FRMD4B: variants seen among roughly 807,000 people sequenced by gnomAD.
The protein encoded by FRMD4B is FERM domain containing 4B.
Under a neutral mutation model 141.5 loss-of-function variants are expected in FRMD4B, and 74 were observed. That is an observed-to-expected ratio of 0.52 (90% CI 0.43 to 0.63). FRMD4B has a LOEUF of 0.63. Among genes scored for constraint, FRMD4B ranks in the 30% least tolerant of loss-of-function variants. The pLI is 0.00. For missense variants in FRMD4B, 1,366 were observed against 1,253.4 expected (o/e 1.09, Z -1.36); for synonymous variants, 506 against 467.9 (o/e 1.08, Z -1.05).
intron 1 of FRMD4B, among the ~76,000 whole-genome samples, chr3:69,508,317 T>C (rs1451614693): frequency 6.6e-6 from 1 of 152,200 alleles, no homozygotes; most frequent in African/African-American, 2.4e-5. Context: ...AGTGCTCCTA[T>C]ATTTTGTTCA....
intron 1 of FRMD4B, among the ~76,000 whole-genome samples, chr3:69,326,050 G>A (rs1047447663): frequency 2.0e-5 from 3 of 151,750 alleles, no homozygotes; most frequent in Non-Finnish European, 2.9e-5. Flanking sequence ...CTGGGCTCAC[G>A]CAATCCTCCC....
intron 5 of FRMD4B, among the ~76,000 whole-genome samples, chr3:69,259,430 C>A (rs368087152): frequency 2.2e-3 from 331 of 152,260 alleles, no homozygotes; most frequent in African/African-American, 7.7e-3. Flanking sequence ...GGGTTGGGGA[C>A]CCCTGGTATA....
chr3:69,404,789 G>A (rs1208940220), intron 2 of FRMD4B, among the ~76,000 whole-genome samples: 3 of 152,138 alleles, frequency 2.0e-5, no homozygotes, highest in Non-Finnish European at 4.4e-5. Flanking sequence ...CAGTCAGATG[G>A]TTCAGAACCC....
Position 69,182,709 on chromosome 3 carries a change from A to C in FRMD4B, c.1928T>G (p.Leu643Arg). 6.2e-7 allele frequency: 1 copy of C among 1,611,564 alleles called. No individual in the cohort carries two copies. Among genetic ancestry groups the C allele is most frequent in the Non-Finnish European group, 8.5e-7 (1 of 1,179,288 alleles). ...TTTGTAAGGGCTGCTGTGTGTGGAC[A>C]GCATTTCTCTGTGATGATAAAAAGA... is the stretch of plus-strand genomic sequence containing the variant. ...FVDTRQSREMLSTHSSPYKTL... is the reference protein window; with the variant it reads ...FVDTRQSREMRSTHSSPYKTL... The change falls in exon 20 of 23, where the codon CTG becomes CGG. Residue 643 changes from leucine (L) to arginine (R), a missense_variant. Leu to Arg is a moderately radical substitution (Grantham distance 102). Transcript: ENST00000398540.
chr3:69,402,537 G>A (rs72939709), intron 2 of FRMD4B, among the ~76,000 whole-genome samples: 5,462 of 152,200 alleles, frequency 0.036, 337 homozygotes, highest in African/African-American at 0.12. Flanking sequence ...TGGACTGAAA[G>A]CTTTGAGAAG....
intron 11 of FRMD4B, among the ~76,000 whole-genome samples, chr3:69,203,335 A>AG (rs2092989808): frequency 2.7e-5 from 4 of 146,082 alleles, no homozygotes; most frequent in East Asian, 2.0e-4. Flanking sequence ...AAAAAAAAAA[A>AG]AAAAAAAAAG....
intron 5 of FRMD4B, among the ~76,000 whole-genome samples, chr3:69,267,291 G>C (rs1024055782): frequency 3.3e-5 from 5 of 151,986 alleles, no homozygotes; most frequent in African/African-American, 1.2e-4. Context: ...AAGGAAGACT[G>C]GCCTGCTCTT....
intron 11 of FRMD4B, among the ~76,000 whole-genome samples, chr3:69,215,282 C>CTTTTTTTTTTTTTTTTTTTTTTTTTT (rs1559724064): frequency 5.3e-5 from 2 of 37,496 alleles, no homozygotes; most frequent in East Asian, 4.2e-4. Context: ...GATTGTGACC[C>CTTTTTTTTTTTTTTTTTTTTTTTTTT]TCTTTTTTTT....
intron 17 of FRMD4B, among the ~76,000 whole-genome samples, chr3:69,191,146 C>A (rs2092831412): frequency 6.6e-6 from 1 of 152,176 alleles, no homozygotes; most frequent in Admixed American, 6.5e-5. Flanking sequence ...TGGCCAGGCA[C>A]ACTGCCTCAC....
At chr3:69,206,954 C>G (rs1423942449) in intron 11 of FRMD4B, among the ~76,000 whole-genome samples, 1 of 151,842 alleles carries the variant, frequency 6.6e-6, no homozygotes, top group Non-Finnish European at 1.5e-5. Context: ...ATCAGTGAAG[C>G]CTTGCTACCA....
intron 21 of FRMD4B, among the ~76,000 whole-genome samples, chr3:69,178,731 T>A (rs535456487): frequency 6.7e-6 from 1 of 148,756 alleles, no homozygotes; most frequent in South Asian, 2.1e-4. Context: ...AGAATCCCCA[T>A]CCCACCACTT....
intron 7 of FRMD4B, among the ~76,000 whole-genome samples, chr3:69,225,446 C>A (rs913448138): frequency 2.1e-5 from 3 of 141,480 alleles, no homozygotes; most frequent in Admixed American, 7.9e-5. Context: ...GAGGCCAAGG[C>A]GGGCAGATCA....
At chr3:69,216,949 CT>C (rs1478109281) in intron 10 of FRMD4B, among the ~76,000 whole-genome samples, 9 of 150,750 alleles carry the variant, frequency 6.0e-5, no homozygotes, top group Admixed American at 6.0e-4. Context: ...AGTAATTCAA[CT>C]AAGAATTAAT....
At chr3:69,534,069 T>C (rs754058857) in intron 1 of FRMD4B, among the ~76,000 whole-genome samples, 1 of 152,210 alleles carries the variant, frequency 6.6e-6, no homozygotes, top group Non-Finnish European at 1.5e-5. Context: ...TCAGGCCCCG[T>C]ACCAGATCTA....
At chr3:69,529,364 C>T (rs1318859244) in intron 1 of FRMD4B, among the ~76,000 whole-genome samples, 1 of 152,128 alleles carries the variant, frequency 6.6e-6, no homozygotes, top group Non-Finnish European at 1.5e-5. Flanking sequence ...GCCTATGGGC[C>T]ATTAGTTTGC....
intron 5 of FRMD4B, among the ~76,000 whole-genome samples, chr3:69,262,850 G>A (rs906797326): frequency 6.6e-6 from 1 of 152,126 alleles, no homozygotes; most frequent in African/African-American, 2.4e-5. Context: ...ACAAGAATAT[G>A]GATGAATCTC....
chr3:69,441,035 CT>C (rs1290670780), intron 1 of FRMD4B, among the ~76,000 whole-genome samples: 1 of 152,108 alleles, frequency 6.6e-6, no homozygotes, highest in African/African-American at 2.4e-5. Context: ...CTCTGAGTTT[CT>C]GAGTGGTTTT....
chr3:69,244,236 A>C (rs989206845), intron 7 of FRMD4B, among the ~76,000 whole-genome samples: 125 of 152,228 alleles, frequency 8.2e-4, no homozygotes, highest in African/African-American at 2.8e-3. Flanking sequence ...ATCCTCAGAC[A>C]GCATGCAAGA....
At chr3:69,507,299 T>G (rs1425533814) in intron 1 of FRMD4B, among the ~76,000 whole-genome samples, 1 of 152,196 alleles carries the variant, frequency 6.6e-6, no homozygotes, top group Non-Finnish European at 1.5e-5. Flanking sequence ...AATTCTCTCT[T>G]AAGAAACAAC....
Sources: gnomAD v4.1 joint callset for allele counts (sites outside exome capture counted in the v4.1 genomes callset) on GRCh38, gnomAD v4.1.1 for gene constraint, MANE v1.5 for transcripts, NCBI Gene and HGNC (gene_info 2026-07-23, HGNC 2026-07-21) for gene names.